The following FRMD4B variants were observed in gnomAD, a reference collection of about 807,000 sequenced individuals.
FRMD4B encodes FERM domain containing 4B, also known as FERM domain-containing protein 4B.
In FRMD4B, 74 loss-of-function variants were observed where a neutral mutation model predicts 141.5. That is an observed-to-expected ratio of 0.52 (90% CI 0.43 to 0.63). The LOEUF (loss-of-function observed/expected upper bound fraction) is 0.63. FRMD4B is among the 30% of genes least tolerant of loss of function. The pLI is 0.00. For synonymous variants in FRMD4B, 506 were observed against 467.9 expected, an observed-to-expected ratio of 1.08 and a Z score of -1.05; for missense variants, 1,366 against 1,253.4, an observed-to-expected ratio of 1.09 and a Z score of -1.36.
intron 11 of FRMD4B, among the ~76,000 whole-genome samples, chr3:69,206,474 G>A (rs954985224): frequency 2.0e-5 from 3 of 152,292 alleles, no homozygotes; most frequent in South Asian, 2.1e-4. Flanking sequence ...ACGTAAAAAC[G>A]AGAACACCTA....
At chr3:69,422,740 A>G (rs1381486363) in intron 2 of FRMD4B, among the ~76,000 whole-genome samples, 4 of 152,232 alleles carry the variant, frequency 2.6e-5, no homozygotes, top group Admixed American at 6.5e-5. Context: ...TGAATTTTGT[A>G]TAAGTTTCAT....
At chr3:69,511,538 A>C (rs901568080) in intron 1 of FRMD4B, among the ~76,000 whole-genome samples, 1 of 152,102 alleles carries the variant, frequency 6.6e-6, no homozygotes, top group African/African-American at 2.4e-5. Context: ...CAACTCTCCA[A>C]CTGCAGGGAG....
chr3:69,268,481 C>A (rs1352668660), intron 5 of FRMD4B, among the ~76,000 whole-genome samples: 7 of 152,028 alleles, frequency 4.6e-5, no homozygotes, highest in Admixed American at 3.3e-4. Flanking sequence ...ATTACATACA[C>A]AACAGATTTT....
chr3:69,386,178 C>T, upstream of FRMD4B: 2 of 534,444 alleles, frequency 3.7e-6, no homozygotes, highest in East Asian at 3.4e-5. Context: ...ATTGGGTGCC[C>T]GCCAGCCAAC....
In FRMD4B at chr3:69,418,709, C is replaced by T. The variant is rs1454998280; in HGVS notation, c.-1+13925G>A. 5.9e-5 allele frequency among the ~76,000 whole-genome samples: 9 copies of T among 152,076 alleles called. No homozygotes were observed. The East Asian group carries it at 1.5e-3, about 26-fold the overall frequency. On this transcript the variant is annotated intron_variant, in intron 2 of 5. Coordinates refer to the FRMD4B transcript ENST00000459638. Reference sequence around the variant, plus strand: ...AAAAGCCAGTGAGCCTGGAAGGGAACGTAGAGCCTCAGACAAGATCCTAGC... The same window carrying T: ...AAAAGCCAGTGAGCCTGGAAGGGAATGTAGAGCCTCAGACAAGATCCTAGC...
chr3:69,479,161 A>G, intron 1 of FRMD4B, among the ~76,000 whole-genome samples: 1 of 149,772 alleles, frequency 6.7e-6, no homozygotes, highest in Non-Finnish European at 1.5e-5. Context: ...TCTTTATCCA[A>G]TTTGCCAGTC....
chr3:69,306,457 A>C (rs1360663371), intron 3 of FRMD4B: 2 of 152,342 alleles, frequency 1.3e-5, no homozygotes, highest in Middle Eastern at 3.4e-3. Context: ...GCCTTTCAAA[A>C]CATGAGAAGG....
intron 11 of FRMD4B, among the ~76,000 whole-genome samples, chr3:69,211,296 T>C (rs191339656): frequency 2.6e-5 from 4 of 152,280 alleles, no homozygotes; most frequent in East Asian, 1.9e-4. Context: ...TTAAACAACA[T>C]GCTCAAGGTG....
chr3:69,417,634 G>A (rs1404766876), intron 2 of FRMD4B, among the ~76,000 whole-genome samples: 1 of 152,190 alleles, frequency 6.6e-6, no homozygotes, highest in African/African-American at 2.4e-5. Context: ...ATTGTGTCCT[G>A]AATGTATTGC....
At chr3:69,412,840 CTTTTTT>C (rs869150440) in intron 2 of FRMD4B, among the ~76,000 whole-genome samples, 1 of 54,270 alleles carries the variant, frequency 1.8e-5, no homozygotes, top group African/African-American at 8.1e-5. Flanking sequence ...AGAAGCTCCA[CTTTTTT>C]TTTTTTTTTT....
intron 2 of FRMD4B, among the ~76,000 whole-genome samples, chr3:69,425,996 C>G (rs1705070941): frequency 1.3e-5 from 2 of 152,190 alleles, no homozygotes; most frequent in Non-Finnish European, 2.9e-5. Flanking sequence ...CAGGTTAGGC[C>G]TTTTAATAGC....
rs1218396001 is a variant in FRMD4B, at chr3:69,397,862, A to C, written c.-1+34772T>G. Among the ~76,000 whole-genome samples the C allele has an allele frequency of 6.6e-5, 10 of 152,210 alleles. No homozygotes were observed. In the East Asian group the frequency reaches 1.9e-3, roughly 29 times the overall value. On this transcript the variant is annotated intron_variant, in intron 2 of 5. Coordinates refer to the FRMD4B transcript ENST00000459638. ...GTTGTACATTTTACATAGGTGAACTATATGGCATGTGAATTATATCCCAAT... is the reference window on the plus strand; with the variant it reads ...GTTGTACATTTTACATAGGTGAACTCTATGGCATGTGAATTATATCCCAAT...
chr3:69,445,685 T>G (rs1485434493), intron 1 of FRMD4B, among the ~76,000 whole-genome samples: 1 of 152,208 alleles, frequency 6.6e-6, no homozygotes, highest in Non-Finnish European at 1.5e-5. Context: ...TGCAGGGACT[T>G]GGCACTTGCT....
In FRMD4B at chr3:69,270,690, C is replaced by T. The variant is rs570070702; in HGVS notation, c.501+17062G>A. Among the ~76,000 whole-genome samples the T allele has an allele frequency of 6.5e-4, 98 of 151,886 alleles. 1 individual carries two copies. The highest frequency in any genetic ancestry group is 2.2e-3 in the African/African-American group (92 of 41,456). ...AGGTGATTCTCCTGCCTCAGCCTCC[C>T]GAGTAGCTGGGACTACAGGCGCCCG... On this transcript the variant is annotated intron_variant, in intron 5 of 22. Coordinates refer to ENST00000398540, the MANE Select transcript of FRMD4B (RefSeq NM_015123.3).
intron 1 of FRMD4B, among the ~76,000 whole-genome samples, chr3:69,519,148 G>A (rs981058067): frequency 2.0e-5 from 3 of 152,120 alleles, no homozygotes; most frequent in Non-Finnish European, 2.9e-5. Context: ...GTGGGTGTCT[G>A]GTTCTTAGAA....
chr3:69,403,794 GCA>G (rs1704606719), intron 2 of FRMD4B, among the ~76,000 whole-genome samples: 1 of 152,066 alleles, frequency 6.6e-6, no homozygotes, highest in Non-Finnish European at 1.5e-5. Context: ...GTGTGCATAA[GCA>G]CGCATGCGTA....
chr3:69,314,227 T>TAAAAAAAAA (rs59090061), intron 1 of FRMD4B, among the ~76,000 whole-genome samples: 27 of 109,238 alleles, frequency 2.5e-4, no homozygotes, highest in African/African-American at 1.0e-3. Context: ...AATGTTTTAT[T>TAAAAAAAAA]AAAAAAAAAA....
intron 11 of FRMD4B, among the ~76,000 whole-genome samples, chr3:69,209,057 T>C (rs909100583): frequency 6.6e-6 from 1 of 151,036 alleles, no homozygotes; most frequent in African/African-American, 2.4e-5. Flanking sequence ...GGCAGAAGAA[T>C]GGCTCGAACC....
intron 1 of FRMD4B, among the ~76,000 whole-genome samples, chr3:69,329,516 ATTTTTTTTTTTT>A (rs10554375): frequency 2.9e-4 from 16 of 55,574 alleles, no homozygotes; most frequent in Admixed American, 6.7e-4. Context: ...TGCCCAGCTA[ATTTTTTTTTTTT>A]TTTTTTTTTT....
Sources: gnomAD v4.1 joint callset for allele counts (sites outside exome capture counted in the v4.1 genomes callset) on GRCh38, gnomAD v4.1.1 for gene constraint, MANE v1.5 for transcripts, NCBI Gene and HGNC (gene_info 2026-07-23, HGNC 2026-07-21) for gene names.